ST8SIA1: variants seen among roughly 807,000 people sequenced by gnomAD.
ST8SIA1 encodes ST8 alpha-N-acetyl-neuraminide alpha-2,8-sialyltransferase 1.
Under a neutral mutation model 35.9 loss-of-function variants are expected in ST8SIA1, and 16 were observed. That is an observed-to-expected ratio of 0.45 (90% CI 0.30 to 0.68). The LOEUF (loss-of-function observed/expected upper bound fraction) is 0.68, where lower values mean the gene tolerates loss of function less well. Ranked by LOEUF, ST8SIA1 falls within the 30% of genes least tolerant of loss-of-function variation. The pLI is 0.09. For synonymous variants in ST8SIA1, 170 were observed against 169.6 expected (o/e 1.00, Z -0.02); for missense variants, 383 against 453.6 (o/e 0.84, Z 1.41).
chr12:22,332,746 C>T (rs773783137), intron 1 of ST8SIA1, among the ~76,000 whole-genome samples: 2 of 152,076 alleles, frequency 1.3e-5, no homozygotes, highest in Non-Finnish European at 2.9e-5. Flanking sequence ...AGGAGGAGGC[C>T]TGAGAAGGAG....
intron 2 of ST8SIA1, among the ~76,000 whole-genome samples, chr12:22,283,088 C>G (rs1048524945): frequency 6.6e-6 from 1 of 152,100 alleles, no homozygotes; most frequent in South Asian, 2.1e-4. Context: ...CGCTGCAGGT[C>G]CAGGCTCAGT....
At chr12:22,270,761 G>A (rs1269699820) in intron 2 of ST8SIA1, among the ~76,000 whole-genome samples, 2 of 152,112 alleles carry the variant, frequency 1.3e-5, no homozygotes, top group African/African-American at 4.8e-5. Context: ...CTGCTACGCA[G>A]TATATCCATG....
chr12:22,193,932 A>G lies in ST8SIA1; in HGVS notation c.*7620T>C, dbSNP rs982919805. ...ACTTTGCTCTTGAGAAATAGTTTGC[A>G]CACATGTGGAATAATATTAAAATGT... On this transcript the variant is annotated 3_prime_UTR_variant, in exon 5 of 5. Transcript: ENST00000396037. 7.2e-5 allele frequency: 11 copies of G among 152,212 alleles called. No individual in the cohort carries two copies. In the East Asian group the frequency reaches 1.7e-3, roughly 24 times the overall value. 9.4% of individuals were successfully genotyped at this position (152,212 alleles called of 1,614,324 possible).
intron 2 of ST8SIA1, among the ~76,000 whole-genome samples, chr12:22,259,780 T>C: frequency 6.6e-6 from 1 of 152,134 alleles, no homozygotes; most frequent in East Asian, 1.9e-4. Context: ...ATACTATGGA[T>C]TTTTTAAAGT....
At chr12:22,326,856 C>T (rs1026145721) in intron 1 of ST8SIA1, among the ~76,000 whole-genome samples, 9 of 152,248 alleles carry the variant, frequency 5.9e-5, no homozygotes, top group Admixed American at 3.9e-4. Flanking sequence ...GATTATTTTA[C>T]CAGAAATCTA....
chr12:22,225,555 T>C (rs1262511027), intron 4 of ST8SIA1, among the ~76,000 whole-genome samples: 1 of 152,196 alleles, frequency 6.6e-6, no homozygotes, highest in African/African-American at 2.4e-5. Flanking sequence ...TTAATATTTC[T>C]TGTAAACACC....
chr12:22,243,429 T>G (rs530939718), intron 4 of ST8SIA1, among the ~76,000 whole-genome samples: 1 of 141,600 alleles, frequency 7.1e-6, no homozygotes, highest in East Asian at 2.1e-4. Context: ...CTGCCTCACT[T>G]CAATATTATT....
chr12:22,299,040 G>A (rs1160068663), intron 1 of ST8SIA1, among the ~76,000 whole-genome samples: 2 of 152,038 alleles, frequency 1.3e-5, no homozygotes, highest in African/African-American at 2.4e-5. Context: ...AATGAGAAAC[G>A]AAATGGAGTT....
rs1476413236 is a variant in ST8SIA1, at chr12:22,198,474, C to T, written c.*3078G>A. ...CAGGATGATTCTAGCGAGGTCCTTA[C>T]TTAGGAACACATAGCACAGTTAAGG... is the stretch of plus-strand genomic sequence containing the variant. On this transcript the variant is annotated 3_prime_UTR_variant, in exon 5 of 5. Transcript: ENST00000396037. 6.6e-6 allele frequency: 1 copy of T among 150,680 alleles called. No homozygotes were observed. The highest frequency in any genetic ancestry group is 1.5e-5 in the Non-Finnish European group (1 of 67,856). 9.3% of individuals were successfully genotyped at this position (150,680 alleles called of 1,614,324 possible).
chr12:22,254,191 A>G (rs901308018), intron 3 of ST8SIA1, among the ~76,000 whole-genome samples: 7 of 152,098 alleles, frequency 4.6e-5, no homozygotes, highest in African/African-American at 1.7e-4. Flanking sequence ...CTCAGAGTCT[A>G]TCCTCAAGGC....
At chr12:22,273,264 C>A (rs1049665935) in intron 2 of ST8SIA1, among the ~76,000 whole-genome samples, 4 of 152,182 alleles carry the variant, frequency 2.6e-5, no homozygotes, top group Non-Finnish European at 2.9e-5. Flanking sequence ...TGATCCCCAC[C>A]GTTCACCTAT....
intron 4 of ST8SIA1, among the ~76,000 whole-genome samples, chr12:22,203,813 G>A (rs1305381512): frequency 6.6e-6 from 1 of 151,958 alleles, no homozygotes; most frequent in African/African-American, 2.4e-5. Context: ...CAATCATATA[G>A]ACACACTGTG....
intron 4 of ST8SIA1, among the ~76,000 whole-genome samples, chr12:22,221,979 G>C (rs921570928): frequency 5.9e-5 from 9 of 151,798 alleles, no homozygotes; most frequent in African/African-American, 1.9e-4. Context: ...AAATGGAAAA[G>C]AAAGTTAAAA....
intron 1 of ST8SIA1, among the ~76,000 whole-genome samples, chr12:22,307,876 C>T (rs1205430693): frequency 2.0e-5 from 3 of 152,166 alleles, no homozygotes; most frequent in African/African-American, 4.8e-5. Flanking sequence ...TCAAGCTTAA[C>T]TTCTTTACTA....
intron 4 of ST8SIA1, among the ~76,000 whole-genome samples, chr12:22,207,629 CAG>C (rs1197847778): frequency 6.6e-6 from 1 of 152,030 alleles, no homozygotes; most frequent in African/African-American, 2.4e-5. Flanking sequence ...TTGGTAAAAA[CAG>C]AAATTTAATG....
intron 4 of ST8SIA1, among the ~76,000 whole-genome samples, chr12:22,217,389 C>T (rs945596983): frequency 7.9e-5 from 12 of 152,150 alleles, no homozygotes; most frequent in African/African-American, 1.9e-4. Flanking sequence ...GAGATGATGG[C>T]GTAAAGCAAC....
intron 2 of ST8SIA1, among the ~76,000 whole-genome samples, chr12:22,282,616 C>T (rs959530533): frequency 1.3e-5 from 2 of 152,160 alleles, no homozygotes; most frequent in Non-Finnish European, 2.9e-5. Context: ...CTTGATGGCA[C>T]ACTATGTAGC....
intron 4 of ST8SIA1, chr12:22,223,751 C>T: frequency 8.0e-7 from 1 of 1,254,040 alleles, no homozygotes; most frequent in Non-Finnish European, 1.0e-6. Context: ...TATTTCTTCA[C>T]CCTCTCGACA....
intron 1 of ST8SIA1, among the ~76,000 whole-genome samples, chr12:22,314,858 T>C (rs1261330848): frequency 6.6e-6 from 1 of 152,148 alleles, no homozygotes; most frequent in Non-Finnish European, 1.5e-5. Flanking sequence ...GAGCTGACGA[T>C]AACTCTCAAA....
Sources: allele counts gnomAD v4.1 joint callset (sites outside exome capture counted in the v4.1 genomes callset), GRCh38; gene constraint gnomAD v4.1.1; transcripts MANE v1.5; gene names NCBI Gene and HGNC (gene_info 2026-07-23, HGNC 2026-07-21).